CCDC63: variants seen among roughly 807,000 people sequenced by gnomAD.
CCDC63 encodes the protein coiled-coil domain-containing protein 63.
CCDC63 carries 54 observed loss-of-function variants against 63.6 expected under a neutral mutation model. That is an observed-to-expected ratio of 0.85 (90% confidence interval 0.68 to 1.07). The LOEUF is 1.07. CCDC63 is among the 50% of genes least tolerant of loss of function. The pLI, the probability that CCDC63 is intolerant of heterozygous loss-of-function variation, is 0.00. For missense variants in CCDC63, 637 were observed against 689.6 expected (o/e 0.92, Z 0.86); for synonymous variants, 253 against 266.1 (o/e 0.95, Z 0.48).
At chr12:110,847,642 C>T (rs2070656152) in intron 1 of CCDC63, among the ~76,000 whole-genome samples, 1 of 151,276 alleles carries the variant, frequency 6.6e-6, no homozygotes, top group Non-Finnish European at 1.5e-5. Flanking sequence ...AACAAACAAA[C>T]AAAAAACAAG....
In CCDC63 at chr12:110,858,674, GAGA is replaced by G. The variant is rs750727247; in HGVS notation, c.273_275del (p.Lys91del). 2.5e-6 allele frequency: 4 copies of G among 1,614,034 alleles called. No individual in the cohort carries two copies. The Admixed American group carries it at 5.0e-5, about 20-fold the overall frequency. On this transcript the variant is annotated inframe_deletion, in exon 4 of 12. Transcript: ENST00000308208. ...ATCCTCGAGGAACATGAATCGGAGT[GAGA>G]AGAACTACATGGAGCTGCGACTCCT...
intron 4 of CCDC63, among the ~76,000 whole-genome samples, chr12:110,863,054 C>CT (rs2070881424): frequency 6.6e-6 from 1 of 152,198 alleles, no homozygotes; most frequent in Admixed American, 6.5e-5. Context: ...CGGCGTCCAG[C>CT]TGTTTGTTTT....
chr12:110,860,117 A>C (rs557699088), intron 4 of CCDC63, among the ~76,000 whole-genome samples: 1 of 152,350 alleles, frequency 6.6e-6, no homozygotes, highest in Admixed American at 6.5e-5. Flanking sequence ...GAGTAGGGAC[A>C]TTGAAACACT....
At chr12:110,865,743 AG>A (rs1415553644) in intron 4 of CCDC63, among the ~76,000 whole-genome samples, 1 of 152,200 alleles carries the variant, frequency 6.6e-6, no homozygotes, top group Non-Finnish European at 1.5e-5. Flanking sequence ...CTTGCAGCTA[AG>A]GGTGGACAGT....
At chr12:110,886,948 T>C (rs1593683717) in intron 8 of CCDC63, among the ~76,000 whole-genome samples, 1 of 152,312 alleles carries the variant, frequency 6.6e-6, no homozygotes, top group East Asian at 1.9e-4. Context: ...CCTTTCCTCC[T>C]GCAGTCGCAC....
chr12:110,858,533 C>T lies in CCDC63; in HGVS notation c.180-53C>T, dbSNP rs146182935. ...CAGGGCTGATGTGCCTGGAGTGCTC[C>T]GTCAAGTTAAACTTAGGGGTTTGGG... On this transcript the variant is annotated intron_variant, in intron 3 of 11. Coordinates refer to ENST00000308208, the MANE Select transcript of CCDC63 (RefSeq NM_152591.3). The T allele has an allele frequency of 8.4e-4, 1,292 of 1,529,610 alleles. 15 individuals are homozygous for T. The African/African-American group carries it at 0.015, about 18-fold the overall frequency. The allele number at this position is 1,529,610 out of a possible 1,614,324, so 94.8% of individuals were successfully genotyped here.
At chr12:110,888,624 C>CA (rs1289540796) in intron 8 of CCDC63, among the ~76,000 whole-genome samples, 1 of 151,954 alleles carries the variant, frequency 6.6e-6, no homozygotes, top group Non-Finnish European at 1.5e-5. Context: ...CTTAATTTTG[C>CA]AAAAAATGTT....
At chr12:110,892,936 AAG>A in intron 8 of CCDC63, 138 bp from the exon 9 acceptor site, 1 of 650,440 alleles carries the variant, frequency 1.5e-6, no homozygotes, top group Non-Finnish European at 2.7e-6. Context: ...CCACGGGCCT[AAG>A]AGGGGCCCAG....
At chr12:110,887,221 G>A (rs1449809096) in intron 8 of CCDC63, among the ~76,000 whole-genome samples, 3 of 151,642 alleles carry the variant, frequency 2.0e-5, no homozygotes, top group Non-Finnish European at 2.9e-5. Flanking sequence ...TCCACCTCCC[G>A]GGTTCAAGCG....
At chr12:110,860,643 G>A (rs1299329727) in intron 4 of CCDC63, among the ~76,000 whole-genome samples, 1 of 152,142 alleles carries the variant, frequency 6.6e-6, no homozygotes, top group African/African-American at 2.4e-5. Context: ...AGGCTGGAGT[G>A]TAGCGGCATG....
chr12:110,860,278 C>T (rs1279067039), intron 4 of CCDC63, among the ~76,000 whole-genome samples: 1 of 152,206 alleles, frequency 6.6e-6, no homozygotes, highest in Non-Finnish European at 1.5e-5. Flanking sequence ...TGTTGGGGCA[C>T]AGAGCAGTGG....
Position 110,905,915 on chromosome 12 carries a change from T to TAAAA in CCDC63, c.1546+1124_1546+1125insAAAA, listed in dbSNP as rs1292350299. 1.0e-3 allele frequency among the ~76,000 whole-genome samples: 14 copies of TAAAA among 13,406 alleles called. 2 individuals are homozygous for TAAAA. Among genetic ancestry groups the TAAAA allele is most frequent in the Non-Finnish European group, 1.4e-3 (10 of 7,082 alleles). 8.8% of individuals were successfully genotyped at this position (13,406 alleles called of 152,430 possible). A position where few individuals can be genotyped will look rare whatever the true frequency, so the allele number is the denominator to read the frequency against. The stretch of plus-strand genomic sequence containing the variant: ...AATATTATATATAATATATATTATA[T>TAAAA]TATATATAATATATATTATATAAAA... On this transcript the variant is annotated intron_variant, in intron 11 of 11. Transcript: ENST00000308208.
At chr12:110,905,335 G>A (rs757215580) in intron 11 of CCDC63, among the ~76,000 whole-genome samples, 4 of 152,048 alleles carry the variant, frequency 2.6e-5, no homozygotes, top group Admixed American at 2.6e-4. Flanking sequence ...TCCAACACCA[G>A]CCCATTGATC....
At chr12:110,878,269 TA>T (rs2071157489) in intron 5 of CCDC63, among the ~76,000 whole-genome samples, 1 of 152,172 alleles carries the variant, frequency 6.6e-6, no homozygotes, top group African/African-American at 2.4e-5. Context: ...TACACATACA[TA>T]TATACACACA....
intron 9 of CCDC63, among the ~76,000 whole-genome samples, chr12:110,895,010 G>T (rs1192346582): frequency 2.6e-5 from 4 of 152,192 alleles, no homozygotes; most frequent in Non-Finnish European, 4.4e-5. Context: ...CACCTCCCGG[G>T]TTCAAGCGAT....
intron 10 of CCDC63, among the ~76,000 whole-genome samples, chr12:110,899,646 C>CT (rs1043226626): frequency 9.9e-5 from 15 of 151,062 alleles, no homozygotes; most frequent in Non-Finnish European, 1.9e-4. Context: ...CCTCACTGTG[C>CT]TTCAGATTTT....
chr12:110,857,272 C>T (rs941914752), intron 3 of CCDC63, among the ~76,000 whole-genome samples: 7 of 151,434 alleles, frequency 4.6e-5, no homozygotes, highest in Admixed American at 1.3e-4. Context: ...ATTACAGGCG[C>T]CCACCACCCC....
rs2071608189 is a variant in CCDC63 at position 110,907,473 on chromosome 12, G to T, written c.1689G>T (p.Met563Ile). 3.1e-6 allele frequency: 5 copies of T among 1,614,076 alleles called. No individual in the cohort carries two copies. Among genetic ancestry groups the T allele is most frequent in the Non-Finnish European group, 3.4e-6 (4 of 1,180,028 alleles). ...DDFRSRKKVT[M>I] ...TCAGATCCAGGAAGAAAGTAACCATGTGAGGTGCATGCATGGGGCCACCTT... is the reference window on the plus strand; with the variant it reads ...TCAGATCCAGGAAGAAAGTAACCATTTGAGGTGCATGCATGGGGCCACCTT... The change falls in exon 12 of 12, where the codon ATG becomes ATT. Residue 563 changes from methionine to isoleucine, a missense_variant. By Grantham distance (10) the Met-to-Ile change is conservative (BLOSUM62 1). Transcript: ENST00000308208. The surrounding 1 kb of genome is among the most constrained non-coding windows in gnomAD (Gnocchi z 4.4).
chr12:110,906,728 T>G (rs2071591308), intron 11 of CCDC63, among the ~76,000 whole-genome samples: 1 of 151,278 alleles, frequency 6.6e-6, no homozygotes, highest in Non-Finnish European at 1.5e-5. Flanking sequence ...GCAGCAGGAG[T>G]GAAAGCTAGG....
Sources: allele counts gnomAD v4.1 joint callset (sites outside exome capture counted in the v4.1 genomes callset), GRCh38; gene constraint gnomAD v4.1.1; non-coding constraint Gnocchi (gnomAD v3.1); transcripts MANE v1.5; gene names NCBI Gene and HGNC (gene_info 2026-07-23, HGNC 2026-07-21).